CRPPA: variants seen among roughly 807,000 people sequenced by gnomAD.
CRPPA encodes the protein D-ribitol-5-phosphate cytidylyltransferase.
In CRPPA, 43 loss-of-function variants were observed where a neutral mutation model predicts 52.0. The ratio of observed to expected loss-of-function variants is 0.83; its 90% confidence interval spans 0.65 to 1.07. CRPPA has a LOEUF of 1.07. Ranked by LOEUF, CRPPA falls within the 50% of genes least tolerant of loss-of-function variation. CRPPA has a pLI of 0.00. For missense variants in CRPPA, 629 were observed against 551.7 expected (o/e 1.14, Z -1.40); for synonymous variants, 250 against 203.5 (o/e 1.23, Z -1.94).
chr7:16,315,726 TG>T (rs35802186), intron 3 of CRPPA, among the ~76,000 whole-genome samples: 22,192 of 152,074 alleles, frequency 0.15, 1,699 homozygotes, highest in Non-Finnish European at 0.18. Context: ...CATAAGACTG[TG>T]GGGGCTCCCC....
At chr7:16,385,866 G>C (rs1245679024) in intron 2 of CRPPA, among the ~76,000 whole-genome samples, 2 of 152,224 alleles carry the variant, frequency 1.3e-5, no homozygotes, top group Non-Finnish European at 2.9e-5. Flanking sequence ...GGAGCACCCA[G>C]ATGGGCAGGT....
intron 9 of CRPPA, among the ~76,000 whole-genome samples, chr7:16,201,741 T>C (rs1320082691): frequency 1.3e-5 from 2 of 152,194 alleles, no homozygotes; most frequent in East Asian, 3.9e-4. Flanking sequence ...CCCACTAAAC[T>C]ACAGGAGCAA....
At position 16,376,072 on chromosome 7, in the gene CRPPA, CA is replaced by C. The variant is rs1562662704; in HGVS notation, c.684+19del. ...GAACCTGACATAACAGCAGCTTATT[CA>C]AAAAGCCCAAATTCTTACCTGCTGA... On this transcript the variant is annotated intron_variant, in intron 3 of 9. Transcript: ENST00000407010. The C allele has an allele frequency of 3.2e-6, 5 of 1,551,096 alleles. No homozygotes were observed. The highest frequency in any genetic ancestry group is 4.8e-5 in the East Asian group (2 of 41,272).
rs558312603 is a variant in CRPPA, at chr7:16,202,134, A to G, written c.1251+13932T>C. On this transcript the variant is annotated intron_variant, in intron 9 of 9. Transcript: ENST00000407010. ...TAGCTTTTAATTTGAATATATGGTAAATTATTACAGTTGAATTTTTAATAA... is the reference window on the plus strand; with the variant it reads ...TAGCTTTTAATTTGAATATATGGTAGATTATTACAGTTGAATTTTTAATAA... Among the ~76,000 whole-genome samples, 5 of 152,296 alleles carry G rather than the reference A, an allele frequency of 3.3e-5. No individual in the cohort carries two copies. In the South Asian group the frequency reaches 8.3e-4, roughly 25 times the overall value.
At chr7:16,260,076 TA>T (rs1029865051) in intron 6 of CRPPA, among the ~76,000 whole-genome samples, 3 of 151,808 alleles carry the variant, frequency 2.0e-5, no homozygotes, top group African/African-American at 7.3e-5. Flanking sequence ...AACACCACAA[TA>T]AAAAAAGAAA....
intron 3 of CRPPA, among the ~76,000 whole-genome samples, chr7:16,325,802 G>A (rs959390948): frequency 9.2e-5 from 14 of 151,858 alleles, no homozygotes; most frequent in Admixed American, 4.6e-4. Flanking sequence ...CAAAGGATTT[G>A]ATTTTTAACA....
chr7:16,146,940 T>A (rs1306463644), intron 9 of CRPPA, among the ~76,000 whole-genome samples: 1 of 152,176 alleles, frequency 6.6e-6, no homozygotes, highest in Non-Finnish European at 1.5e-5. Context: ...TGTAAAGAGA[T>A]TAAATTATCT....
At chr7:16,252,994 T>C (rs1375861009) in intron 8 of CRPPA, among the ~76,000 whole-genome samples, 1 of 152,210 alleles carries the variant, frequency 6.6e-6, no homozygotes, top group African/African-American at 2.4e-5. Flanking sequence ...TTCTTCTCTC[T>C]TTTCTTCTTT....
chr7:16,186,196 T>C (rs1781501919), intron 9 of CRPPA, among the ~76,000 whole-genome samples: 2 of 152,228 alleles, frequency 1.3e-5, no homozygotes, highest in African/African-American at 4.8e-5. Context: ...GTGCTCCCTA[T>C]ACCCAGTTTA....
At chr7:16,176,212 C>A (rs1781293291) in intron 9 of CRPPA, among the ~76,000 whole-genome samples, 1 of 152,016 alleles carries the variant, frequency 6.6e-6, no homozygotes, top group South Asian at 2.1e-4. Context: ...AATAAAAATG[C>A]CATTAAAATA....
intron 8 of CRPPA, among the ~76,000 whole-genome samples, chr7:16,228,714 G>C (rs1223901101): frequency 2.6e-5 from 4 of 151,922 alleles, no homozygotes; most frequent in Non-Finnish European, 4.4e-5. Flanking sequence ...AGCCTAACAT[G>C]ATTTACCCTG....
intron 9 of CRPPA, among the ~76,000 whole-genome samples, chr7:16,172,285 G>C (rs938061016): frequency 6.6e-6 from 1 of 152,180 alleles, no homozygotes; most frequent in African/African-American, 2.4e-5. Context: ...TGCATCTAGA[G>C]GGGAAAGTGC....
At chr7:16,383,431 T>C (rs978592689) in intron 2 of CRPPA, among the ~76,000 whole-genome samples, 7 of 152,138 alleles carry the variant, frequency 4.6e-5, no homozygotes, top group Non-Finnish European at 8.8e-5. Context: ...TTAGGCTGCT[T>C]GGGGGTCAGG....
chr7:16,230,774 T>G (rs137974307), intron 8 of CRPPA, among the ~76,000 whole-genome samples: 1 of 152,318 alleles, frequency 6.6e-6, no homozygotes, highest in East Asian at 1.9e-4. Flanking sequence ...TCTTCACAGA[T>G]AGGGATTTGG....
At chr7:16,265,616 C>T (rs1025964161) in intron 6 of CRPPA, among the ~76,000 whole-genome samples, 2 of 152,162 alleles carry the variant, frequency 1.3e-5, no homozygotes, top group Non-Finnish European at 2.9e-5. Flanking sequence ...TTTTGGGTCA[C>T]CTAATGCACA....
intron 5 of CRPPA, among the ~76,000 whole-genome samples, chr7:16,287,748 C>A (rs529197813): frequency 6.6e-6 from 1 of 152,000 alleles, no homozygotes; most frequent in Non-Finnish European, 1.5e-5. Context: ...ATGGCAAAAC[C>A]CTGTCTCTAC....
At chr7:16,398,697 G>T (rs1378629545) in intron 2 of CRPPA, among the ~76,000 whole-genome samples, 1 of 151,896 alleles carries the variant, frequency 6.6e-6, no homozygotes, top group Non-Finnish European at 1.5e-5. Flanking sequence ...GACACGATTG[G>T]CATCTAATCA....
intron 9 of CRPPA, among the ~76,000 whole-genome samples, chr7:16,143,372 A>C (rs1275941608): frequency 6.6e-6 from 1 of 152,216 alleles, no homozygotes; most frequent in Admixed American, 6.5e-5. Context: ...TATTAAAGTC[A>C]GTGGAAATAC....
Position 16,149,879 on chromosome 7 carries a change from G to A in CRPPA, c.1252-58080C>T, listed in dbSNP as rs145045501. ...CGGTCACCTGCAGTCCCAACTACTC[G>A]GGAGGCTGAGGCAGGAGAACTGATT... On this transcript the variant is annotated intron_variant, in intron 9 of 9. Transcript: ENST00000407010. Among the ~76,000 whole-genome samples, 393 of 151,798 alleles carry A rather than the reference G, an allele frequency of 2.6e-3. 3 individuals carry two copies. The highest frequency in any genetic ancestry group is 4.2e-3 in the Non-Finnish European group (286 of 67,904).
Sources: gnomAD v4.1 joint callset for allele counts (sites outside exome capture counted in the v4.1 genomes callset) on GRCh38, gnomAD v4.1.1 for gene constraint, MANE v1.5 for transcripts, NCBI Gene and HGNC (gene_info 2026-07-23, HGNC 2026-07-21) for gene names.